The following ST3GAL1 variants were observed in gnomAD, a reference collection of about 807,000 sequenced individuals.
ST3GAL1 encodes CMP-N-acetylneuraminate-beta-galactosamide-alpha-2,3-sialyltransferase 1.
A neutral mutation model predicts 34.1 loss-of-function variants in ST3GAL1; 16 were observed. The ratio of observed to expected loss-of-function variants is 0.47; its 90% CI spans 0.32 to 0.71. The LOEUF is 0.71. Ranked by LOEUF, ST3GAL1 falls within the 30% of genes least tolerant of loss-of-function variation. The probability of loss-of-function intolerance (pLI) is 0.04; values close to 1 mark genes in which losing one functional copy is unlikely to be tolerated. For missense variants in ST3GAL1, 353 were observed against 447.4 expected (o/e 0.79, Z 1.90); for synonymous variants, 191 against 184.7 (o/e 1.03, Z -0.28).
At chr8:133,481,716 G>A (rs929451030) in intron 3 of ST3GAL1, among the ~76,000 whole-genome samples, 1 of 151,900 alleles carries the variant, frequency 6.6e-6, no homozygotes, top group Non-Finnish European at 1.5e-5. Flanking sequence ...GGCTGGTCTC[G>A]AACTCTCGAC....
chr8:133,501,675 G>C (rs540980897), intron 2 of ST3GAL1, among the ~76,000 whole-genome samples: 6 of 152,310 alleles, frequency 3.9e-5, no homozygotes, highest in Admixed American at 3.9e-4. Flanking sequence ...CTTGAACCCA[G>C]GAGGTGGAGG....
chr8:133,463,529 T>C, intron 7 of ST3GAL1, 70 bp from the exon 8 acceptor site: 1 of 1,519,448 alleles, frequency 6.6e-7, no homozygotes. Flanking sequence ...CATGCAGCTC[T>C]GGGGGTAGTG....
intron 2 of ST3GAL1, among the ~76,000 whole-genome samples, chr8:133,537,866 C>G (rs1244543219): frequency 6.6e-6 from 1 of 152,166 alleles, no homozygotes; most frequent in Non-Finnish European, 1.5e-5. Flanking sequence ...TGCCGGCTGC[C>G]ATGGTTTCAG....
intron 1 of ST3GAL1, among the ~76,000 whole-genome samples, chr8:133,567,963 G>A (rs542631262): frequency 2.0e-5 from 3 of 149,418 alleles, no homozygotes; most frequent in South Asian, 4.2e-4. Flanking sequence ...CTCTGTCGCC[G>A]AGACTGGAGT....
At chr8:133,538,071 G>C (rs927332845) in intron 2 of ST3GAL1, among the ~76,000 whole-genome samples, 2 of 152,204 alleles carry the variant, frequency 1.3e-5, no homozygotes, top group East Asian at 3.8e-4. Flanking sequence ...GAGGGCTTCC[G>C]AAAGATCTCT....
At chr8:133,528,322 G>C (rs1818038813) in intron 2 of ST3GAL1, among the ~76,000 whole-genome samples, 1 of 152,168 alleles carries the variant, frequency 6.6e-6, no homozygotes, top group Non-Finnish European at 1.5e-5. Flanking sequence ...AGATTGCTAA[G>C]CTCAGTACCT....
intron 6 of ST3GAL1, 73 bp from the exon 7 acceptor site, chr8:133,465,030 A>G: frequency 6.7e-7 from 1 of 1,489,836 alleles, no homozygotes; most frequent in African/African-American, 1.4e-5. Flanking sequence ...GAGCTCCGAG[A>G]GAGTGAGCCT....
intron 2 of ST3GAL1, among the ~76,000 whole-genome samples, chr8:133,529,464 G>C (rs964521452): frequency 7.9e-5 from 12 of 152,182 alleles, no homozygotes; most frequent in Non-Finnish European, 1.3e-4. Context: ...GCTAACAGGG[G>C]AGGCAGACAG....
At chr8:133,536,284 C>T (rs947401347) in intron 2 of ST3GAL1, among the ~76,000 whole-genome samples, 1 of 152,044 alleles carries the variant, frequency 6.6e-6, no homozygotes, top group Admixed American at 6.6e-5. Flanking sequence ...GGACTCTGTT[C>T]CAGGATAGTA....
chr8:133,489,304 G>A (rs1227804414), intron 3 of ST3GAL1, among the ~76,000 whole-genome samples: 1 of 152,100 alleles, frequency 6.6e-6, no homozygotes, highest in African/African-American at 2.4e-5. Context: ...ACTCCAAGGG[G>A]CACAGCTGAC....
chr8:133,560,551 AAGG>A (rs890437015), intron 1 of ST3GAL1, among the ~76,000 whole-genome samples: 13 of 152,140 alleles, frequency 8.5e-5, no homozygotes, highest in African/African-American at 2.9e-4. Context: ...TCCTGCCCAA[AAGG>A]ATGTTACAGA....
At chr8:133,501,320 T>C (rs1817145979) in intron 2 of ST3GAL1, among the ~76,000 whole-genome samples, 1 of 152,086 alleles carries the variant, frequency 6.6e-6, no homozygotes, top group Non-Finnish European at 1.5e-5. Context: ...TAGAGTAAGT[T>C]CTCCTATGCC....
At position 133,551,667 on chromosome 8, in the gene ST3GAL1, A is replaced by T. The variant is rs1053522577; in HGVS notation, c.-581-5741T>A. On this transcript the variant is annotated intron_variant, in intron 1 of 9. Transcript: ENST00000522652. ...TTTACTTTACTCATTGGTAAAATGG[A>T]ACTGTCTCTGCTTCAACTACTTTGC... 4.6e-5 allele frequency among the ~76,000 whole-genome samples: 7 copies of T among 152,226 alleles called. No homozygotes were observed. In the South Asian group the frequency reaches 1.2e-3, roughly 27 times the overall value.
chr8:133,470,094 T>C (rs1374578441), intron 5 of ST3GAL1, among the ~76,000 whole-genome samples: 2 of 152,086 alleles, frequency 1.3e-5, no homozygotes, highest in Non-Finnish European at 2.9e-5. Flanking sequence ...AATATTCTGG[T>C]TTTCTCTGCC....
intron 2 of ST3GAL1, among the ~76,000 whole-genome samples, chr8:133,512,377 C>A (rs907307147): frequency 6.6e-6 from 1 of 152,168 alleles, no homozygotes; most frequent in Admixed American, 6.5e-5. Context: ...AGTCCTTCCA[C>A]GTTCCTCTGC....
chr8:133,541,120 TAGAGAGAG>T (rs1554618899), intron 2 of ST3GAL1, among the ~76,000 whole-genome samples: 1 of 48,626 alleles, frequency 2.1e-5, no homozygotes, highest in Non-Finnish European at 3.7e-5. Context: ...TATATATATA[TAGAGAGAG>T]AGAGAGAGAG....
intron 1 of ST3GAL1, among the ~76,000 whole-genome samples, chr8:133,549,433 C>T (rs1413726411): frequency 1.3e-5 from 2 of 151,728 alleles, no homozygotes; most frequent in African/African-American, 4.8e-5. Flanking sequence ...AGGCGGTAAT[C>T]TATGAATCAG....
intron 3 of ST3GAL1, among the ~76,000 whole-genome samples, chr8:133,494,398 A>G (rs1816878395): frequency 1.3e-5 from 2 of 152,208 alleles, no homozygotes; most frequent in African/African-American, 2.4e-5. Flanking sequence ...TTTGTGCACA[A>G]AAAGCAGTGA....
intron 2 of ST3GAL1, among the ~76,000 whole-genome samples, chr8:133,512,457 C>G (rs1355858446): frequency 2.0e-5 from 3 of 152,220 alleles, no homozygotes; most frequent in African/African-American, 7.2e-5. Context: ...GGGTCTGCCT[C>G]TCCCAGTCCA....
Sources: gnomAD v4.1 joint callset for allele counts (sites outside exome capture counted in the v4.1 genomes callset) on GRCh38, gnomAD v4.1.1 for gene constraint, MANE v1.5 for transcripts, NCBI Gene and HGNC (gene_info 2026-07-23, HGNC 2026-07-21) for gene names.